ADAM7: variants seen among roughly 807,000 people sequenced by gnomAD.
The protein encoded by ADAM7 is ADAM metallopeptidase domain 7, also known as disintegrin and metalloproteinase domain-containing protein 7.
ADAM7 carries 97 observed loss-of-function variants against 102.9 expected under a neutral mutation model. That is an observed-to-expected ratio of 0.94 (90% CI 0.80 to 1.12). The LOEUF (loss-of-function observed/expected upper bound fraction) is 1.12. Among genes scored for constraint, ADAM7 ranks in the 50% most tolerant of loss-of-function variants. The pLI is 0.00. For missense variants in ADAM7, 991 were observed against 908.7 expected (o/e 1.09, Z -1.16); for synonymous variants, 334 against 304.4 (o/e 1.10, Z -1.01).
intron 18 of ADAM7, 140 bp downstream of exon 18, chr8:24,500,396 C>T (rs1820717561): frequency 1.1e-5 from 8 of 707,466 alleles, no homozygotes; most frequent in African/African-American, 1.8e-5. Context: ...TGCATGAATA[C>T]CCAAATTGAT....
chr8:24,450,238 G>T (rs543390622), intron 3 of ADAM7, among the ~76,000 whole-genome samples: 96 of 152,228 alleles, frequency 6.3e-4, no homozygotes, highest in African/African-American at 2.0e-3. Flanking sequence ...AGTTACCTTG[G>T]GCAGTATGGC....
intron 3 of ADAM7, among the ~76,000 whole-genome samples, chr8:24,453,471 G>T (rs1212975390): frequency 6.6e-6 from 1 of 151,872 alleles, no homozygotes; most frequent in African/African-American, 2.4e-5. Flanking sequence ...CATTCTTCAC[G>T]TAGTTCTCGA....
chr8:24,473,791 G>C (rs1335543896), intron 7 of ADAM7, among the ~76,000 whole-genome samples: 2 of 152,096 alleles, frequency 1.3e-5, no homozygotes, highest in African/African-American at 2.4e-5. Context: ...ATTTACATGA[G>C]AGTGACGGTT....
intron 13 of ADAM7, 57 bp from the exon 14 acceptor site, chr8:24,491,846 G>T: frequency 7.1e-7 from 1 of 1,403,054 alleles, no homozygotes; most frequent in Non-Finnish European, 9.4e-7. Context: ...GTCTACTTAC[G>T]AAACCTTACC....
Position 24,499,286 on chromosome 8 carries a change from C to A in ADAM7, c.1893C>A (p.Thr631=), listed in dbSNP as rs780676914. The change falls in exon 17 of 22, where the codon ACC becomes ACA. Residue 631 remains threonine, a synonymous_variant. Coordinates refer to ENST00000175238, the MANE Select transcript of ADAM7 (RefSeq NM_003817.4). ...ACATGGAAAAGGTCTATATCTCAAC[C>A]AATTGCCCCTCTCAGTGCAATGAAA... is the stretch of plus-strand genomic sequence containing the variant. ...CLNMEKVYIS[T]NCPSQCNENP... is the part of the protein sequence containing the mutation. The A allele has an allele frequency of 8.7e-6, 14 of 1,607,374 alleles. No homozygotes were observed. Among genetic ancestry groups the A allele is most frequent in the African/African-American group, 1.3e-5 (1 of 74,602 alleles).
At position 24,489,016 on chromosome 8, in the gene ADAM7, T is replaced by A. The variant is rs1022230437; in HGVS notation, c.1092-143T>A. The A allele has an allele frequency of 9.1e-6, 6 of 662,018 alleles. No homozygotes were observed. In the South Asian group the frequency reaches 1.3e-4, roughly 15 times the overall value. 41.0% of individuals were successfully genotyped at this position (662,018 alleles called of 1,614,324 possible). ...CTGTGTTTTGAAAAGATATTTTCTA[T>A]AATAAAGGACCCAGTTACTTCCCTG... On this transcript the variant is annotated intron_variant, in intron 11 of 21. Transcript: ENST00000175238.
At chr8:24,450,225 G>A (rs531628503) in intron 3 of ADAM7, among the ~76,000 whole-genome samples, 102 of 152,130 alleles carry the variant, frequency 6.7e-4, no homozygotes, top group African/African-American at 2.1e-3. Flanking sequence ...CATTGAATCT[G>A]TAAGTTACCT....
intron 6 of ADAM7, among the ~76,000 whole-genome samples, chr8:24,468,389 T>C (rs1819498423): frequency 6.6e-6 from 1 of 152,076 alleles, no homozygotes; most frequent in Non-Finnish European, 1.5e-5. Flanking sequence ...AAAGAGCTAA[T>C]GCATGCTAGG....
chr8:24,475,433 T>C (rs1819735384), intron 7 of ADAM7, among the ~76,000 whole-genome samples: 1 of 152,080 alleles, frequency 6.6e-6, no homozygotes, highest in Admixed American at 6.6e-5. Flanking sequence ...AGAAGAAATT[T>C]CTTGAAACAG....
chr8:24,454,781 C>T (rs946610789), intron 3 of ADAM7, among the ~76,000 whole-genome samples: 2 of 152,072 alleles, frequency 1.3e-5, no homozygotes, highest in Non-Finnish European at 2.9e-5. Context: ...GGAGCTGTTC[C>T]TATTCGTCCA....
intron 3 of ADAM7, among the ~76,000 whole-genome samples, chr8:24,453,055 C>T (rs371357401): frequency 0.07 from 10,577 of 151,260 alleles, 463 homozygotes; most frequent in Admixed American, 0.11. Context: ...TGAGGGTAAC[C>T]CGACCTTTCT....
At chr8:24,467,359 C>T (rs905559143) in intron 6 of ADAM7, 1 of 274,528 alleles carries the variant, frequency 3.6e-6, no homozygotes, top group Non-Finnish European at 6.7e-6. Context: ...TATGTTCTCC[C>T]CTTTTTATCA....
At chr8:24,447,937 A>AACACACACAC (rs55836403) in intron 3 of ADAM7, among the ~76,000 whole-genome samples, 45 of 140,682 alleles carry the variant, frequency 3.2e-4, no homozygotes, top group South Asian at 7.4e-4. Flanking sequence ...TAAATAACAA[A>AACACACACAC]ACACACACAC....
chr8:24,466,706 T>A (rs1819437565), intron 5 of ADAM7, 93 bp from the exon 6 acceptor site: 1 of 1,169,360 alleles, frequency 8.6e-7, no homozygotes, highest in Non-Finnish European at 1.2e-6. Flanking sequence ...AGCACTGGCT[T>A]TGTGGTTTCT....
chr8:24,477,466 G>A (rs1241266331), intron 8 of ADAM7, among the ~76,000 whole-genome samples: 3 of 151,730 alleles, frequency 2.0e-5, no homozygotes, highest in Admixed American at 2.0e-4. Context: ...TGTACTTTGA[G>A]TTACAACCTA....
intron 3 of ADAM7, among the ~76,000 whole-genome samples, chr8:24,452,115 A>T (rs1389805305): frequency 6.6e-6 from 1 of 151,368 alleles, no homozygotes; most frequent in Non-Finnish European, 1.5e-5. Flanking sequence ...GCTGAAAAAA[A>T]TGTATATTCT....
In ADAM7 at chr8:24,498,939, C is replaced by T. The variant is rs1450124202; in HGVS notation, c.1843-297C>T. 1.2e-4 allele frequency among the ~76,000 whole-genome samples: 18 copies of T among 151,990 alleles called. No homozygotes were observed. In the South Asian group the frequency reaches 1.5e-3, roughly 12 times the overall value. The stretch of plus-strand genomic sequence containing the variant: ...AGTTGTAGAATCTTTGACAGATTAA[C>T]GCTGAAGTAATTACTCAGAACATAA... On this transcript the variant is annotated intron_variant, in intron 16 of 21. Transcript: ENST00000175238.
intron 3 of ADAM7, among the ~76,000 whole-genome samples, chr8:24,460,962 A>AG (rs1442247858): frequency 2.0e-5 from 3 of 152,132 alleles, no homozygotes; most frequent in African/African-American, 7.2e-5. Flanking sequence ...TTTGTAGCAT[A>AG]GATCTGTGGC....
chr8:24,480,787 T>C (rs140714635), intron 8 of ADAM7, among the ~76,000 whole-genome samples: 20 of 152,114 alleles, frequency 1.3e-4, no homozygotes, highest in Non-Finnish European at 2.4e-4. Flanking sequence ...ATGCTTGTAA[T>C]CCCAACACTT....
Sources: gnomAD v4.1 joint callset for allele counts (sites outside exome capture counted in the v4.1 genomes callset) on GRCh38, gnomAD v4.1.1 for gene constraint, MANE v1.5 for transcripts, NCBI Gene and HGNC (gene_info 2026-07-23, HGNC 2026-07-21) for gene names.